FOXP1: variants seen among roughly 807,000 people sequenced by gnomAD.
FOXP1 encodes forkhead box P1.
A neutral mutation model predicts 98.2 loss-of-function variants in FOXP1; 15 were observed. The ratio of observed to expected loss-of-function variants is 0.15; its 90% CI spans 0.10 to 0.24. FOXP1 has a LOEUF of 0.24. Among genes scored for constraint, FOXP1 ranks in the 10% least tolerant of loss-of-function variants. FOXP1 has a pLI of 1.00. For synonymous variants in FOXP1, 371 were observed against 314.5 expected, an observed-to-expected ratio of 1.18 and a Z score of -1.90; for missense variants, 633 against 848.5, an observed-to-expected ratio of 0.75 and a Z score of 3.15.
intron 5 of FOXP1, among the ~76,000 whole-genome samples, chr3:71,291,799 C>A (rs912378371): frequency 1.3e-5 from 2 of 150,994 alleles, no homozygotes; most frequent in Non-Finnish European, 2.9e-5. Context: ...CTCTGCCTCC[C>A]GGGTTCAAGT....
intron 4 of FOXP1, among the ~76,000 whole-genome samples, chr3:71,308,749 ATGTGTGTGTG>A (rs71104439): frequency 0.067 from 8,903 of 132,176 alleles, 327 homozygotes; most frequent in Middle Eastern, 0.11. Context: ...TTCTACCACA[ATGTGTGTGTG>A]TGTGTGTGTG....
At chr3:71,159,302 C>T (rs191306512) in intron 6 of FOXP1, among the ~76,000 whole-genome samples, 59 of 151,872 alleles carry the variant, frequency 3.9e-4, no homozygotes, top group East Asian at 1.2e-3. Context: ...ATGGAGCCTC[C>T]GAGGAAAGGT....
At chr3:71,240,309 G>A (rs1165172243) in intron 5 of FOXP1, among the ~76,000 whole-genome samples, 1 of 152,224 alleles carries the variant, frequency 6.6e-6, no homozygotes, top group Non-Finnish European at 1.5e-5. Flanking sequence ...GCATTCTTTG[G>A]TTTGAATGGA....
At chr3:71,105,187 T>C (rs1270927970) in intron 7 of FOXP1, among the ~76,000 whole-genome samples, 1 of 152,204 alleles carries the variant, frequency 6.6e-6, no homozygotes, top group African/African-American at 2.4e-5. Flanking sequence ...TCCGTGATAC[T>C]ACAAAATATG....
At chr3:71,386,604 G>A (rs748866964) in intron 3 of FOXP1, among the ~76,000 whole-genome samples, 10 of 152,102 alleles carry the variant, frequency 6.6e-5, no homozygotes, top group East Asian at 3.9e-4. Context: ...TTAGCTGGGC[G>A]TGGTAGCGCA....
At chr3:71,287,094 A>G (rs2072228897) in intron 5 of FOXP1, among the ~76,000 whole-genome samples, 1 of 152,232 alleles carries the variant, frequency 6.6e-6, no homozygotes, top group Non-Finnish European at 1.5e-5. Context: ...AAAACACTTA[A>G]GATCGTTTAA....
chr3:71,325,653 T>TATC (rs2075647239), intron 4 of FOXP1, among the ~76,000 whole-genome samples: 1 of 4,918 alleles, frequency 2.0e-4, no homozygotes, highest in Admixed American at 3.4e-3. Context: ...ACAAATGTAT[T>TATC]ATTATTATTA....
Position 70,976,923 on chromosome 3 carries a change from A to G in FOXP1, c.1530+18T>C. On this transcript the variant is annotated intron_variant, in intron 17 of 20. Coordinates refer to ENST00000649528, the MANE Select transcript of FOXP1 (RefSeq NM_001349338.3). ...TGAACGTCAAGATCCAAGAATAAAC[A>G]GGCCTGAGAAAGCTTACCTTCCACG... 6.4e-7 allele frequency: 1 copy of G among 1,573,692 alleles called. No individual in the cohort carries two copies. The highest frequency in any genetic ancestry group is 8.7e-7 in the Non-Finnish European group (1 of 1,143,212).
chr3:71,280,421 A>C (rs2071412589), intron 5 of FOXP1, among the ~76,000 whole-genome samples: 1 of 151,258 alleles, frequency 6.6e-6, no homozygotes, highest in African/African-American at 2.4e-5. Flanking sequence ...CCCTGGTTCA[A>C]GCGATTCTCC....
chr3:71,417,607 C>T (rs2083312191), intron 3 of FOXP1, among the ~76,000 whole-genome samples: 1 of 151,618 alleles, frequency 6.6e-6, no homozygotes, highest in South Asian at 2.1e-4. Context: ...TATTACATTT[C>T]CAGCTTTTAG....
chr3:70,964,228 CCTT>C (rs756548654), intron 20 of FOXP1, among the ~76,000 whole-genome samples: 1 of 152,102 alleles, frequency 6.6e-6, no homozygotes, highest in Non-Finnish European at 1.5e-5. Flanking sequence ...ATAGTTGAAA[CCTT>C]CATTTCATCA....
At chr3:71,309,072 G>A (rs77101566) in intron 4 of FOXP1, among the ~76,000 whole-genome samples, 3,212 of 152,128 alleles carry the variant, frequency 0.021, 57 homozygotes, top group Non-Finnish European at 0.034. Context: ...AACACAAGAG[G>A]TTAACCACAA....
chr3:70,966,296 G>T (rs942729641), intron 19 of FOXP1: 19 of 537,570 alleles, frequency 3.5e-5, no homozygotes, highest in African/African-American at 3.0e-4. Flanking sequence ...GGGTAGGAAG[G>T]ACTCAATTTG....
At chr3:71,373,757 T>C (rs1393113048) in intron 3 of FOXP1, among the ~76,000 whole-genome samples, 1 of 152,184 alleles carries the variant, frequency 6.6e-6, no homozygotes, top group African/African-American at 2.4e-5. Flanking sequence ...GTTGAGCCTA[T>C]GAATGTTTCT....
At chr3:71,487,248 T>C (rs186223790) in intron 3 of FOXP1, among the ~76,000 whole-genome samples, 1 of 152,182 alleles carries the variant, frequency 6.6e-6, no homozygotes, top group East Asian at 1.9e-4. Context: ...AACAAGTCAA[T>C]GTGGTGCACA....
chr3:71,108,567 A>T (rs1575737333), intron 7 of FOXP1, among the ~76,000 whole-genome samples: 1 of 152,178 alleles, frequency 6.6e-6, no homozygotes, highest in Non-Finnish European at 1.5e-5. Flanking sequence ...GGAATTCAAG[A>T]CCAGCCTGGT....
chr3:71,446,480 C>T (rs765424917), intron 3 of FOXP1, among the ~76,000 whole-genome samples: 2 of 152,000 alleles, frequency 1.3e-5, no homozygotes, highest in Non-Finnish European at 1.5e-5. Flanking sequence ...GGCGGCTTCC[C>T]AGAGGCAGAG....
At chr3:71,370,506 T>C (rs897999131) in intron 3 of FOXP1, among the ~76,000 whole-genome samples, 2 of 152,196 alleles carry the variant, frequency 1.3e-5, no homozygotes, top group Non-Finnish European at 2.9e-5. Context: ...GTTAGTTTTG[T>C]TTATTCTTTC....
At chr3:71,443,525 C>A (rs936097127) in intron 3 of FOXP1, among the ~76,000 whole-genome samples, 1 of 152,256 alleles carries the variant, frequency 6.6e-6, no homozygotes, top group African/African-American at 2.4e-5. Flanking sequence ...AGTTGGAAAG[C>A]CACTGCCTTC....
Sources: gnomAD v4.1 joint callset for allele counts (sites outside exome capture counted in the v4.1 genomes callset) on GRCh38, gnomAD v4.1.1 for gene constraint, MANE v1.5 for transcripts, NCBI Gene and HGNC (gene_info 2026-07-23, HGNC 2026-07-21) for gene names.